The following SNTG1 variants were observed in gnomAD, a reference collection of about 807,000 sequenced individuals.
SNTG1 encodes the protein syntrophin gamma 1.
Under a neutral mutation model 74.7 loss-of-function variants are expected in SNTG1, and 39 were observed. The observed-to-expected ratio is 0.52, with a 90% CI of 0.40 to 0.68. The LOEUF (loss-of-function observed/expected upper bound fraction) is 0.68, where lower values mean the gene tolerates loss of function less well. Ranked by LOEUF, SNTG1 falls within the 30% of genes least tolerant of loss-of-function variation. The probability of loss-of-function intolerance (pLI) is 0.00; values close to 1 mark genes in which losing one functional copy is unlikely to be tolerated. For missense variants in SNTG1, 685 were observed against 609.5 expected (o/e 1.12, Z -1.30); for synonymous variants, 254 against 217.1 (o/e 1.17, Z -1.49).
intron 2 of SNTG1, among the ~76,000 whole-genome samples, chr8:50,352,476 C>T (rs1413637796): frequency 2.0e-5 from 3 of 152,014 alleles, no homozygotes; most frequent in African/African-American, 7.2e-5. Flanking sequence ...CTGCAACCTC[C>T]ACCTCCCAGG....
chr8:50,712,854 A>AT (rs1021757504), intron 17 of SNTG1, among the ~76,000 whole-genome samples: 33 of 152,262 alleles, frequency 2.2e-4, no homozygotes, highest in African/African-American at 7.7e-4. Flanking sequence ...TTATGGCTGC[A>AT]TATACTCCAT....
intron 1 of SNTG1, among the ~76,000 whole-genome samples, chr8:49,936,067 A>G (rs1585568583): frequency 6.6e-6 from 1 of 152,194 alleles, no homozygotes; most frequent in East Asian, 1.9e-4. Context: ...ACTGAAAAAA[A>G]TCCTAATTGG....
intron 18 of SNTG1, among the ~76,000 whole-genome samples, chr8:50,761,476 G>A (rs1053578972): frequency 1.3e-5 from 2 of 151,886 alleles, no homozygotes; most frequent in South Asian, 2.1e-4. Flanking sequence ...GGCTGGAAGG[G>A]GTTGGAGTAG....
chr8:50,068,125 G>C (rs545783755), intron 1 of SNTG1, among the ~76,000 whole-genome samples: 1 of 152,098 alleles, frequency 6.6e-6, no homozygotes, highest in African/African-American at 2.4e-5. Flanking sequence ...GGAACAGAAC[G>C]CAATCAGTTT....
chr8:50,331,710 G>T (rs777034050), intron 2 of SNTG1, among the ~76,000 whole-genome samples: 2 of 152,140 alleles, frequency 1.3e-5, no homozygotes, highest in Non-Finnish European at 2.9e-5. Context: ...GTGCTTGCTG[G>T]TATAGAGAAG....
chr8:50,361,427 TAAACAGGTA>T (rs1050768309), intron 2 of SNTG1, among the ~76,000 whole-genome samples: 2 of 152,230 alleles, frequency 1.3e-5, no homozygotes. Flanking sequence ...GACTTGTTTA[TAAACAGGTA>T]AAGCATCATA....
intron 13 of SNTG1, among the ~76,000 whole-genome samples, chr8:50,655,994 C>T (rs1461641317): frequency 6.6e-6 from 1 of 152,086 alleles, no homozygotes; most frequent in Non-Finnish European, 1.5e-5. Context: ...ACTAAGCTAA[C>T]TCTACTTGCG....
chr8:50,165,826 T>C (rs996379799), intron 1 of SNTG1, among the ~76,000 whole-genome samples: 4 of 152,202 alleles, frequency 2.6e-5, no homozygotes, highest in African/African-American at 9.6e-5. Context: ...AACTTAAATG[T>C]CATCCAATTA....
chr8:50,691,158 G>T (rs2095377018), intron 15 of SNTG1, among the ~76,000 whole-genome samples: 1 of 152,066 alleles, frequency 6.6e-6, no homozygotes, highest in Admixed American at 6.5e-5. Flanking sequence ...ACGTGAGATG[G>T]GTTTCCTGAA....
At chr8:50,423,263 T>A (rs1175522501) in intron 4 of SNTG1, among the ~76,000 whole-genome samples, 1 of 152,206 alleles carries the variant, frequency 6.6e-6, no homozygotes, top group Non-Finnish European at 1.5e-5. Flanking sequence ...AATTTTTAAA[T>A]CAGTTTGTTC....
At chr8:50,377,305 T>G (rs2092405472) in intron 2 of SNTG1, among the ~76,000 whole-genome samples, 1 of 152,096 alleles carries the variant, frequency 6.6e-6, no homozygotes, top group Non-Finnish European at 1.5e-5. Flanking sequence ...TATATATCCT[T>G]TGTTGGCTTA....
chr8:49,961,259 A>G (rs770905578), intron 1 of SNTG1, among the ~76,000 whole-genome samples: 12 of 152,230 alleles, frequency 7.9e-5, no homozygotes, highest in Admixed American at 5.9e-4. Flanking sequence ...CATATGCAGC[A>G]ATGCTACTAA....
Position 50,795,848 on chromosome 8 carries a change from T to C in SNTG1, c.*3019T>C, listed in dbSNP as rs2131886641. ...TTTAATAGATAGTGTAAGTGTAATG[T>C]ATATCTGAACACTTATCCAGCTTTT... is the stretch of plus-strand genomic sequence containing the variant. On this transcript the variant is annotated 3_prime_UTR_variant, in exon 19 of 19. Coordinates refer to ENST00000642720, the MANE Select transcript of SNTG1 (RefSeq NM_018967.5). The C allele has an allele frequency of 6.6e-6, 1 of 152,234 alleles. No homozygotes were observed. Among genetic ancestry groups the C allele is most frequent in the East Asian group, 1.9e-4 (1 of 5,182 alleles). The allele number at this position is 152,234 out of a possible 1,614,324, so 9.4% of individuals were successfully genotyped here. A position where few individuals can be genotyped will look rare whatever the true frequency, so the allele number is the denominator to read the frequency against.
chr8:50,561,210 T>C (rs2094486300), intron 12 of SNTG1, among the ~76,000 whole-genome samples: 1 of 152,090 alleles, frequency 6.6e-6, no homozygotes, highest in African/African-American at 2.4e-5. Flanking sequence ...CTTTGCTGTC[T>C]CTCTCCTGCT....
intron 17 of SNTG1, among the ~76,000 whole-genome samples, chr8:50,736,586 T>C (rs2095529424): frequency 6.6e-6 from 1 of 152,070 alleles, no homozygotes; most frequent in African/African-American, 2.4e-5. Context: ...CTAATAGACA[T>C]CAACAGAACT....
At chr8:50,717,897 T>C (rs1257405006) in intron 17 of SNTG1, among the ~76,000 whole-genome samples, 1 of 152,218 alleles carries the variant, frequency 6.6e-6, no homozygotes, top group Non-Finnish European at 1.5e-5. Context: ...CCTTTGCTAC[T>C]GTGCTACCAT....
intron 9 of SNTG1, among the ~76,000 whole-genome samples, chr8:50,513,975 A>C (rs1224791823): frequency 6.6e-6 from 1 of 152,204 alleles, no homozygotes; most frequent in Non-Finnish European, 1.5e-5. Context: ...TCTCAGTTGG[A>C]AATGCAGGAA....
chr8:50,249,561 G>A (rs2086555527), intron 2 of SNTG1, among the ~76,000 whole-genome samples: 1 of 152,176 alleles, frequency 6.6e-6, no homozygotes, highest in African/African-American at 2.4e-5. Context: ...ACCAGGCAGT[G>A]ACCCTGACAA....
chr8:50,174,128 G>A (rs977699762), intron 2 of SNTG1, among the ~76,000 whole-genome samples: 1 of 152,126 alleles, frequency 6.6e-6, no homozygotes, highest in East Asian at 1.9e-4. Context: ...GCGAATGATG[G>A]CTTCCAGCTT....
Sources: allele counts gnomAD v4.1 joint callset (sites outside exome capture counted in the v4.1 genomes callset), GRCh38; gene constraint gnomAD v4.1.1; transcripts MANE v1.5; gene names NCBI Gene and HGNC (gene_info 2026-07-23, HGNC 2026-07-21).